Variants in PTBP3 observed in about 807,000 individuals in gnomAD.
The protein encoded by PTBP3 is polypyrimidine tract binding protein 3.
A neutral mutation model predicts 58.7 loss-of-function variants in PTBP3; 20 were observed. The ratio of observed to expected loss-of-function variants is 0.34; its 90% CI spans 0.24 to 0.50. PTBP3 has a LOEUF of 0.50. PTBP3 is among the 20% of genes least tolerant of loss of function. The probability of loss-of-function intolerance (pLI) is 0.98; values close to 1 mark genes in which losing one functional copy is unlikely to be tolerated. For synonymous variants in PTBP3, 185 were observed against 219.8 expected, an observed-to-expected ratio of 0.84 and a Z score of 1.40; for missense variants, 509 against 637.2, an observed-to-expected ratio of 0.80 and a Z score of 2.17.
intron 2 of PTBP3, 57 bp downstream of exon 2, chr9:112,297,775 A>G: frequency 7.2e-7 from 1 of 1,385,392 alleles, no homozygotes; most frequent in Non-Finnish European, 9.9e-7. Flanking sequence ...AGAGCATTGT[A>G]AAAAAACAAT....
the PTBP3 span, among the ~76,000 whole-genome samples, chr9:112,365,039 G>A: frequency 2.6e-5 from 4 of 152,160 alleles, no homozygotes. Context: ...GTGAGATCAT[G>A]CCTTTCTGTG....
chr9:112,304,058 T>C (rs1034417962), intron 1 of PTBP3, among the ~76,000 whole-genome samples: 1 of 151,532 alleles, frequency 6.6e-6, no homozygotes, highest in Non-Finnish European at 1.5e-5. Context: ...TCTCAGCTAC[T>C]CGGGAGGCTG....
chr9:112,230,356 G>A (rs976338790), intron 10 of PTBP3, among the ~76,000 whole-genome samples: 14 of 136,862 alleles, frequency 1.0e-4, no homozygotes, highest in African/African-American at 4.0e-4. Context: ...TTTGGAAGCA[G>A]TTTTCTATCT....
intron 2 of PTBP3, among the ~76,000 whole-genome samples, chr9:112,280,383 A>T (rs1436782067): frequency 6.6e-6 from 1 of 151,770 alleles, no homozygotes; most frequent in African/African-American, 2.4e-5. Flanking sequence ...TTTTTTTTAC[A>T]GCTTTACTGA....
At chr9:112,286,772 T>C (rs936005107) in intron 2 of PTBP3, among the ~76,000 whole-genome samples, 3 of 152,222 alleles carry the variant, frequency 2.0e-5, no homozygotes, top group South Asian at 2.1e-4. Context: ...ATTTTCCTCA[T>C]GTTTAAAGTA....
intron 12 of PTBP3, among the ~76,000 whole-genome samples, chr9:112,225,574 A>T (rs7871559): frequency 2.6e-5 from 4 of 151,990 alleles, no homozygotes; most frequent in African/African-American, 9.7e-5. Context: ...GTAATTTTTA[A>T]ATTATGTGTA....
chr9:112,291,358 GAA>G (rs61362744), intron 2 of PTBP3, among the ~76,000 whole-genome samples: 3 of 140,604 alleles, frequency 2.1e-5, no homozygotes, highest in African/African-American at 2.6e-5. Context: ...ATTTTTGCAG[GAA>G]AAAAAAAAAA....
chr9:112,355,430 G>T, the PTBP3 span, among the ~76,000 whole-genome samples: 1 of 152,066 alleles, frequency 6.6e-6, no homozygotes, highest in Admixed American at 6.6e-5. Flanking sequence ...GCATACAACA[G>T]AAAACTCAGT....
At chr9:112,354,929 G>A in the PTBP3 span, among the ~76,000 whole-genome samples, 1,232 of 152,242 alleles carry the variant, frequency 8.1e-3, 16 homozygotes, top group African/African-American at 0.028. Context: ...CTTTCTCAGC[G>A]TGGAAAACGT....
At chr9:112,339,320 G>C in the PTBP3 span, among the ~76,000 whole-genome samples, 1 of 132,242 alleles carries the variant, frequency 7.6e-6, no homozygotes, top group Non-Finnish European at 1.6e-5. Flanking sequence ...AAAAATACAG[G>C]CGTGAATCCT....
At chr9:112,319,400 G>C (rs1242261186) in intron 1 of PTBP3, among the ~76,000 whole-genome samples, 1 of 152,136 alleles carries the variant, frequency 6.6e-6, no homozygotes. Flanking sequence ...GCCAGGTGTG[G>C]TAGCGTGTGC....
chr9:112,362,963 TG>T, the PTBP3 span: 5 of 252,722 alleles, frequency 2.0e-5, no homozygotes, highest in Non-Finnish European at 4.0e-5. Flanking sequence ...GTCAAGGACT[TG>T]GAAGGGCTGC....
At position 112,290,666 on chromosome 9, in the gene PTBP3, T is replaced by C. The variant is rs554172649; in HGVS notation, c.34+7166A>G. ...CAGCCTGGGTGACAAAGTCAGACTC[T>C]GTCTTTAAAAAAAAAAAAAAAATAT... On this transcript the variant is annotated intron_variant, in intron 2 of 13. Transcript: ENST00000374257. Among the ~76,000 whole-genome samples, 32 of 115,032 alleles carry C rather than the reference T, an allele frequency of 2.8e-4. 1 individual carries two copies. Among genetic ancestry groups the C allele is most frequent in the African/African-American group, 9.9e-4 (30 of 30,346 alleles). The allele number at this position is 115,032 out of a possible 152,430, so 75.5% of individuals were successfully genotyped here.
chr9:112,377,182 C>A, the PTBP3 span, among the ~76,000 whole-genome samples: 1 of 152,150 alleles, frequency 6.6e-6, no homozygotes, highest in African/African-American at 2.4e-5. Flanking sequence ...CCAACCTGGG[C>A]AACATAGTGA....
At chr9:112,350,391 T>C in the PTBP3 span, among the ~76,000 whole-genome samples, 1 of 152,302 alleles carries the variant, frequency 6.6e-6, no homozygotes, top group East Asian at 1.9e-4. Context: ...ATAAACTTTA[T>C]TTTTTATAGC....
intron 4 of PTBP3, among the ~76,000 whole-genome samples, chr9:112,267,314 C>A (rs941420601): frequency 2.6e-5 from 4 of 152,046 alleles, no homozygotes; most frequent in East Asian, 3.9e-4. Context: ...TACAGATGAC[C>A]GCCACCACGC....
At chr9:112,264,268 T>C (rs1172054094) in intron 4 of PTBP3, among the ~76,000 whole-genome samples, 1 of 152,194 alleles carries the variant, frequency 6.6e-6, no homozygotes, top group Non-Finnish European at 1.5e-5. Flanking sequence ...AATGTTAAGT[T>C]TGATTGTTTT....
chr9:112,354,422 A>G, the PTBP3 span, among the ~76,000 whole-genome samples: 11 of 152,250 alleles, frequency 7.2e-5, no homozygotes. Flanking sequence ...AAACAAAACA[A>G]AACAACAAAA....
intron 1 of PTBP3, among the ~76,000 whole-genome samples, chr9:112,305,152 C>T (rs553829906): frequency 6.8e-4 from 103 of 152,172 alleles, no homozygotes; most frequent in Admixed American, 2.9e-3. Flanking sequence ...TAATATGGCC[C>T]ACAGTTTGTG....
Sources: allele counts gnomAD v4.1 joint callset (sites outside exome capture counted in the v4.1 genomes callset), GRCh38; gene constraint gnomAD v4.1.1; transcripts MANE v1.5; gene names NCBI Gene and HGNC (gene_info 2026-07-23, HGNC 2026-07-21).